The following MACROD2 variants were observed in gnomAD, a reference collection of about 807,000 sequenced individuals.
MACROD2 encodes mono-ADP ribosylhydrolase 2.
MACROD2 carries 36 observed loss-of-function variants against 70.4 expected under a neutral mutation model. The observed-to-expected ratio is 0.51, with a 90% CI of 0.39 to 0.68. The LOEUF (loss-of-function observed/expected upper bound fraction) is 0.68. Ranked by LOEUF, MACROD2 falls within the 30% of genes least tolerant of loss-of-function variation. The pLI, the probability that MACROD2 is intolerant of heterozygous loss-of-function variation, is 0.00. For missense variants in MACROD2, 496 were observed against 538.4 expected, an observed-to-expected ratio of 0.92 and a Z score of 0.78; for synonymous variants, 172 against 178.8, an observed-to-expected ratio of 0.96 and a Z score of 0.30.
In MACROD2 at chr20:15,295,314, T is replaced by C. The variant is rs1338319134; in HGVS notation, c.540+65253T>C. On this transcript the variant is annotated intron_variant, in intron 6 of 17. Coordinates refer to ENST00000684519, the MANE Select transcript of MACROD2 (RefSeq NM_001351661.2). ...GTATTTCTTCATATCAATATGAAAA[T>C]AGACTAATACACTTTGACTATCTAA... 2.0e-5 allele frequency among the ~76,000 whole-genome samples: 3 copies of C among 152,182 alleles called. No homozygotes were observed. In the South Asian group the frequency reaches 6.2e-4, roughly 32 times the overall value.
intron 4 of MACROD2, among the ~76,000 whole-genome samples, chr20:14,528,145 C>T (rs1462623362): frequency 6.7e-6 from 1 of 149,634 alleles, no homozygotes; most frequent in African/African-American, 2.5e-5. Context: ...GTTTCACCCT[C>T]ATTGCCCAGG....
chr20:14,124,686 C>T (rs1569169007), intron 3 of MACROD2, among the ~76,000 whole-genome samples: 1 of 152,126 alleles, frequency 6.6e-6, no homozygotes, highest in Non-Finnish European at 1.5e-5. Context: ...AACACTCAAA[C>T]ATGGCTGGTA....
At chr20:14,105,051 A>T (rs554280411) in intron 3 of MACROD2, among the ~76,000 whole-genome samples, 2 of 152,202 alleles carry the variant, frequency 1.3e-5, no homozygotes, top group Non-Finnish European at 2.9e-5. Flanking sequence ...GGAATATTCC[A>T]TGCACTTTTA....
chr20:14,093,475 A>C (rs2148674008), intron 3 of MACROD2, among the ~76,000 whole-genome samples: 1 of 152,296 alleles, frequency 6.6e-6, no homozygotes, highest in South Asian at 2.1e-4. Flanking sequence ...CGTGATGTTC[A>C]GATTCTGCCT....
chr20:15,858,360 G>T (rs887125591), intron 8 of MACROD2, among the ~76,000 whole-genome samples: 1 of 152,090 alleles, frequency 6.6e-6, no homozygotes, highest in Non-Finnish European at 1.5e-5. Context: ...TTTATCTGGG[G>T]CTAGTATGGG....
At chr20:15,586,660 T>C (rs1221427748) in intron 8 of MACROD2, among the ~76,000 whole-genome samples, 3 of 152,190 alleles carry the variant, frequency 2.0e-5, no homozygotes, top group African/African-American at 7.2e-5. Flanking sequence ...TCTGGAGGTA[T>C]TCTTTATGAA....
Position 15,882,177 on chromosome 20 carries a change from T to C in MACROD2, c.728-3587T>C, listed in dbSNP as rs151292089. On this transcript the variant is annotated intron_variant, in intron 9 of 17. Coordinates refer to ENST00000684519, the MANE Select transcript of MACROD2 (RefSeq NM_001351661.2). ...AAAAGGCAGGTTAATAGCAGAAAAA[T>C]CATACAAAATTATTTTAACATGCAT... Among the ~76,000 whole-genome samples, 10 of 152,118 alleles carry C rather than the reference T, an allele frequency of 6.6e-5. No homozygotes were observed. In the East Asian group the frequency reaches 1.9e-3, roughly 30 times the overall value.
At chr20:14,470,304 G>T (rs1164827441) in intron 3 of MACROD2, among the ~76,000 whole-genome samples, 3 of 152,216 alleles carry the variant, frequency 2.0e-5, no homozygotes, top group African/African-American at 7.2e-5. Flanking sequence ...CTGGAAGCAT[G>T]GTTTCAGAGG....
At chr20:14,755,675 A>C (rs1346390268) in intron 5 of MACROD2, among the ~76,000 whole-genome samples, 1 of 152,100 alleles carries the variant, frequency 6.6e-6, no homozygotes, top group Non-Finnish European at 1.5e-5. Context: ...GAAAAATTCA[A>C]AACTGTTGAT....
intron 5 of MACROD2, among the ~76,000 whole-genome samples, chr20:15,081,665 A>G (rs574364702): frequency 6.6e-6 from 1 of 152,298 alleles, no homozygotes; most frequent in Admixed American, 6.5e-5. Flanking sequence ...TTGACACGCT[A>G]TAACCAAGAG....
chr20:15,939,588 G>A (rs1377138285), intron 12 of MACROD2, among the ~76,000 whole-genome samples: 1 of 151,548 alleles, frequency 6.6e-6, no homozygotes, highest in South Asian at 2.1e-4. Context: ...CGACAAAGAT[G>A]TACAAGGAAC....
intron 6 of MACROD2, among the ~76,000 whole-genome samples, chr20:15,233,616 G>A (rs2076978470): frequency 6.6e-6 from 1 of 152,046 alleles, no homozygotes. Context: ...TGTTCTCCAT[G>A]CATTGTTTGT....
intron 4 of MACROD2, among the ~76,000 whole-genome samples, chr20:14,519,575 G>A (rs1032794409): frequency 2.0e-5 from 3 of 152,180 alleles, no homozygotes; most frequent in Non-Finnish European, 4.4e-5. Context: ...ACAGGTGCTG[G>A]TGAGGTTGCT....
At chr20:15,998,104 T>A (rs992646164) in intron 15 of MACROD2, among the ~76,000 whole-genome samples, 1 of 152,242 alleles carries the variant, frequency 6.6e-6, no homozygotes, top group Non-Finnish European at 1.5e-5. Context: ...ATGTTTTCTA[T>A]CTATTTTCAT....
At chr20:14,767,881 C>A (rs778673994) in intron 5 of MACROD2, among the ~76,000 whole-genome samples, 1 of 151,940 alleles carries the variant, frequency 6.6e-6, no homozygotes, top group Non-Finnish European at 1.5e-5. Context: ...TAAGTGAGAA[C>A]ATGCAGTGTT....
At chr20:14,389,099 C>T (rs886844767) in intron 3 of MACROD2, among the ~76,000 whole-genome samples, 2 of 151,954 alleles carry the variant, frequency 1.3e-5, no homozygotes, top group Admixed American at 6.5e-5. Flanking sequence ...AAGCTGGTCT[C>T]GGACTCCTGA....
chr20:16,000,274 C>T (rs6043663), intron 15 of MACROD2, among the ~76,000 whole-genome samples: 50,221 of 152,046 alleles, frequency 0.33, 8,650 homozygotes, highest in East Asian at 0.45. Context: ...CAGACATATA[C>T]GCATCCACTT....
intron 8 of MACROD2, among the ~76,000 whole-genome samples, chr20:15,856,453 T>C (rs573100885): frequency 6.6e-6 from 1 of 152,332 alleles, no homozygotes; most frequent in East Asian, 1.9e-4. Flanking sequence ...TTTCTCTGTA[T>C]TTCTGTTCTC....
At chr20:15,620,356 G>A (rs148030549) in intron 8 of MACROD2, among the ~76,000 whole-genome samples, 1 of 152,248 alleles carries the variant, frequency 6.6e-6, no homozygotes, top group African/African-American at 2.4e-5. Context: ...TGTTGCTTCT[G>A]GAGCATAAGA....
Sources: gnomAD v4.1 joint callset for allele counts (sites outside exome capture counted in the v4.1 genomes callset) on GRCh38, gnomAD v4.1.1 for gene constraint, MANE v1.5 for transcripts, NCBI Gene and HGNC (gene_info 2026-07-23, HGNC 2026-07-21) for gene names.